The following L3MBTL4 variants were observed in gnomAD, a reference collection of about 807,000 sequenced individuals.
The protein encoded by L3MBTL4 is L3MBTL histone methyl-lysine binding protein 4, also known as lethal(3)malignant brain tumor-like protein 4.
L3MBTL4 carries 70 observed loss-of-function variants against 84.5 expected under a neutral mutation model. That is an observed-to-expected ratio of 0.83 (90% confidence interval 0.68 to 1.01). The LOEUF is 1.01. Among genes scored for constraint, L3MBTL4 ranks in the 50% least tolerant of loss-of-function variants. The pLI is 0.00. For missense variants in L3MBTL4, 715 were observed against 754.8 expected (o/e 0.95, Z 0.62); for synonymous variants, 274 against 259.8 (o/e 1.05, Z -0.52).
At chr18:6,131,102 C>A (rs2059863105) in intron 14 of L3MBTL4, among the ~76,000 whole-genome samples, 1 of 152,166 alleles carries the variant, frequency 6.6e-6, no homozygotes, top group Non-Finnish European at 1.5e-5. Flanking sequence ...GTCAGCTGTA[C>A]AAAATAAGAT....
At chr18:6,382,441 G>A (rs1223138604) in intron 1 of L3MBTL4, among the ~76,000 whole-genome samples, 1 of 152,136 alleles carries the variant, frequency 6.6e-6, no homozygotes, top group African/African-American at 2.4e-5. Flanking sequence ...GCCTTTTTGC[G>A]CTGGTTTCTC....
intron 1 of L3MBTL4, among the ~76,000 whole-genome samples, chr18:6,321,192 C>G (rs2051383804): frequency 6.6e-6 from 1 of 151,968 alleles, no homozygotes; most frequent in Admixed American, 6.6e-5. Flanking sequence ...GACTACGACC[C>G]CAAAAGCAAA....
chr18:6,275,528 A>G (rs8095382), intron 4 of L3MBTL4, among the ~76,000 whole-genome samples: 25,725 of 151,954 alleles, frequency 0.17, 2,184 homozygotes, highest in Middle Eastern at 0.22. Context: ...TTTCCACTGA[A>G]AAAACAGGGA....
chr18:6,373,778 T>TAA (rs1196353008), intron 1 of L3MBTL4, among the ~76,000 whole-genome samples: 20 of 140,354 alleles, frequency 1.4e-4, no homozygotes, highest in African/African-American at 4.4e-4. Context: ...AGTGAATTGA[T>TAA]AAAAAAAAAA....
chr18:5,962,818 A>G (rs1445625264), intron 17 of L3MBTL4, among the ~76,000 whole-genome samples: 2 of 152,170 alleles, frequency 1.3e-5, no homozygotes, highest in Non-Finnish European at 2.9e-5. Context: ...CTGTAAAGCC[A>G]AGTTCCTCAA....
At chr18:5,990,103 T>C (rs1339328632) in intron 16 of L3MBTL4, among the ~76,000 whole-genome samples, 1 of 152,176 alleles carries the variant, frequency 6.6e-6, no homozygotes, top group East Asian at 1.9e-4. Context: ...AGGGCTTGCA[T>C]TGTTTCCCTT....
intron 10 of L3MBTL4, among the ~76,000 whole-genome samples, chr18:6,227,601 G>A (rs2046829778): frequency 6.6e-6 from 1 of 151,930 alleles, no homozygotes; most frequent in South Asian, 2.1e-4. Flanking sequence ...ACCAAGAGAG[G>A]AATATTTCCA....
chr18:6,076,014 G>A (rs1383998092), intron 16 of L3MBTL4, among the ~76,000 whole-genome samples: 1 of 152,172 alleles, frequency 6.6e-6, no homozygotes. Context: ...AAGATGCAGA[G>A]TACCTGCAAT....
At chr18:6,344,613 T>C (rs2052780789) in intron 1 of L3MBTL4, among the ~76,000 whole-genome samples, 1 of 152,188 alleles carries the variant, frequency 6.6e-6, no homozygotes, top group Admixed American at 6.5e-5. Flanking sequence ...GTAATATCCC[T>C]GATGAACACA....
At chr18:6,040,352 C>T (rs991023013) in intron 16 of L3MBTL4, among the ~76,000 whole-genome samples, 2 of 152,168 alleles carry the variant, frequency 1.3e-5, no homozygotes, top group Admixed American at 6.5e-5. Flanking sequence ...GGGAGGGTTG[C>T]CTCTGGCATC....
intron 1 of L3MBTL4, among the ~76,000 whole-genome samples, chr18:6,386,863 G>A (rs1476724520): frequency 2.6e-5 from 4 of 152,182 alleles, no homozygotes; most frequent in Non-Finnish European, 5.9e-5. Context: ...AATGACATGA[G>A]AATGAGACTA....
chr18:6,407,165 C>T (rs1230124845), intron 1 of L3MBTL4, among the ~76,000 whole-genome samples: 2 of 152,152 alleles, frequency 1.3e-5, no homozygotes, highest in Non-Finnish European at 2.9e-5. Flanking sequence ...AATAAAGTGG[C>T]CCTAAAGATT....
intron 14 of L3MBTL4, among the ~76,000 whole-genome samples, chr18:6,126,109 A>T (rs78256507): frequency 0.035 from 5,267 of 152,286 alleles, 141 homozygotes; most frequent in Non-Finnish European, 0.051. Context: ...CTACCCATGA[A>T]AAACTATATA....
At chr18:6,142,122 C>A (rs1269793378) in intron 13 of L3MBTL4, among the ~76,000 whole-genome samples, 2 of 152,176 alleles carry the variant, frequency 1.3e-5, no homozygotes, top group Non-Finnish European at 2.9e-5. Flanking sequence ...AGGTTACGTC[C>A]TCATTTTATA....
chr18:6,108,651 T>A (rs2059090929), intron 14 of L3MBTL4, among the ~76,000 whole-genome samples: 1 of 152,092 alleles, frequency 6.6e-6, no homozygotes. Flanking sequence ...TTTCTAGAGC[T>A]CAGAAGCACT....
chr18:6,035,446 A>G (rs1222499564), intron 16 of L3MBTL4, among the ~76,000 whole-genome samples: 1 of 150,610 alleles, frequency 6.6e-6, no homozygotes, highest in Non-Finnish European at 1.5e-5. Flanking sequence ...TTTGTCAAAG[A>G]TCAGATAGTT....
At chr18:6,228,604 G>A (rs1242833864) in intron 10 of L3MBTL4, among the ~76,000 whole-genome samples, 1 of 152,028 alleles carries the variant, frequency 6.6e-6, no homozygotes, top group Admixed American at 6.6e-5. Flanking sequence ...TTAACTCAAG[G>A]AGAGCATATA....
At chr18:6,373,151 C>T (rs182123176) in intron 1 of L3MBTL4, among the ~76,000 whole-genome samples, 6 of 152,190 alleles carry the variant, frequency 3.9e-5, no homozygotes, top group Non-Finnish European at 7.4e-5. Flanking sequence ...ATAATGAGGC[C>T]GCACCATGAA....
intron 16 of L3MBTL4, among the ~76,000 whole-genome samples, chr18:6,036,578 C>T (rs2056150989): frequency 1.3e-5 from 2 of 152,128 alleles, no homozygotes; most frequent in South Asian, 4.1e-4. Context: ...GCTTTAAAGT[C>T]TTTGGTGGAA....
Sources: gnomAD v4.1 joint callset for allele counts (sites outside exome capture counted in the v4.1 genomes callset) on GRCh38, gnomAD v4.1.1 for gene constraint, MANE v1.5 for transcripts, NCBI Gene and HGNC (gene_info 2026-07-23, HGNC 2026-07-21) for gene names.